The following ABCC9 variants were observed in gnomAD, a reference collection of about 807,000 sequenced individuals.
ABCC9 encodes the protein ATP binding cassette subfamily C member 9.
A neutral mutation model predicts 188.3 loss-of-function variants in ABCC9; 95 were observed. The ratio of observed to expected loss-of-function variants is 0.50; its 90% CI spans 0.43 to 0.60. The LOEUF is 0.60. Ranked by LOEUF, ABCC9 falls within the 20% of genes least tolerant of loss-of-function variation. ABCC9 has a pLI of 0.00. For synonymous variants in ABCC9, 659 were observed against 652.7 expected, an observed-to-expected ratio of 1.01 and a Z score of -0.15; for missense variants, 1,102 against 1,876.3, an observed-to-expected ratio of 0.59 and a Z score of 7.62.
chr12:21,821,718 G>A (rs1372336535), intron 31 of ABCC9, among the ~76,000 whole-genome samples: 1 of 152,092 alleles, frequency 6.6e-6, no homozygotes, highest in African/African-American at 2.4e-5. Flanking sequence ...GAATGACATG[G>A]TAGATTTGAT....
At position 21,899,578 on chromosome 12, in the gene ABCC9, A is replaced by T. The variant is rs376497294; in HGVS notation, c.1619-4263T>A. 3.3e-3 allele frequency among the ~76,000 whole-genome samples: 509 copies of T among 152,318 alleles called. 3 individuals are homozygous for T. Among genetic ancestry groups the T allele is most frequent in the African/African-American group, 0.012 (485 of 41,570 alleles). ...TTTCCTAGCCAAGGGAGGCTGTGACAGACGGCACCTGGAAAATCAGGTCAC... is the reference window on the plus strand; with the variant it reads ...TTTCCTAGCCAAGGGAGGCTGTGACTGACGGCACCTGGAAAATCAGGTCAC... On this transcript the variant is annotated intron_variant, in intron 12 of 39. Coordinates refer to ENST00000261200, the MANE Select transcript of ABCC9 (RefSeq NM_020297.4).
At chr12:21,851,898 G>A (rs534343364) in intron 24 of ABCC9, among the ~76,000 whole-genome samples, 199 bp downstream of exon 24, 1 of 141,442 alleles carries the variant, frequency 7.1e-6, no homozygotes. Context: ...CTCATCCAAA[G>A]ATGGCATTAG....
At chr12:21,814,829 G>A (rs1942495808) in intron 34 of ABCC9, 107 bp from the exon 35 acceptor site, 1 of 850,374 alleles carries the variant, frequency 1.2e-6, no homozygotes, top group Non-Finnish European at 2.0e-6. Flanking sequence ...CTGTAATTAT[G>A]TTTAAATAAT....
intron 30 of ABCC9, among the ~76,000 whole-genome samples, chr12:21,834,437 G>A (rs1943955351): frequency 1.3e-5 from 2 of 152,120 alleles, no homozygotes; most frequent in Non-Finnish European, 2.9e-5. Flanking sequence ...ATCAAACACA[G>A]GTAGAGCAGT....
At chr12:21,847,614 C>G (rs1592059070) in intron 25 of ABCC9, among the ~76,000 whole-genome samples, 1 of 152,194 alleles carries the variant, frequency 6.6e-6, no homozygotes, top group East Asian at 1.9e-4. Flanking sequence ...CATCTCATTC[C>G]TCACATTTCC....
chr12:21,800,891 ACT>A lies in ABCC9; in HGVS notation c.*151_*152del. ...ATATTAAGCAATAATATCTTGAAAA[ACT>A]GTTTTAAAAACAGGAAAAATAAATG... On this transcript the variant is annotated 3_prime_UTR_variant, in exon 40 of 40. Coordinates refer to ENST00000261200, the MANE Select transcript of ABCC9 (RefSeq NM_020297.4). The A allele has an allele frequency of 1.2e-6, 1 of 851,000 alleles. No homozygotes were observed. The highest frequency in any genetic ancestry group is 1.7e-5 in the South Asian group (1 of 59,638). 52.7% of individuals were successfully genotyped at this position (851,000 alleles called of 1,614,324 possible).
chr12:21,863,844 G>T (rs889221436), intron 19 of ABCC9, among the ~76,000 whole-genome samples: 1 of 152,074 alleles, frequency 6.6e-6, no homozygotes, highest in Non-Finnish European at 1.5e-5. Context: ...AGAGAGCAAG[G>T]TTAAAAAAGA....
rs560622999 is a variant in ABCC9 at position 21,815,718 on chromosome 12, CA to C, written c.4023+44del. ...TAGGTAGTAAAAAAGCAGACTCCCT[CA>C]GAGGTTTTATGTATACAACATATCA... On this transcript the variant is annotated intron_variant, in intron 34 of 39. Coordinates refer to ENST00000261200, the MANE Select transcript of ABCC9 (RefSeq NM_020297.4). 979 of 1,606,506 alleles carry C rather than the reference CA, an allele frequency of 6.1e-4. 3 individuals carry two copies. In the African/African-American group the frequency reaches 0.012, roughly 19 times the overall value.
At chr12:21,839,659 G>A (rs557717515) in intron 29 of ABCC9, among the ~76,000 whole-genome samples, 2 of 152,094 alleles carry the variant, frequency 1.3e-5, no homozygotes, top group East Asian at 3.9e-4. Flanking sequence ...CTTTTTTCCT[G>A]CCCTTCTCTA....
intron 16 of ABCC9, among the ~76,000 whole-genome samples, chr12:21,881,575 C>T (rs1480270203): frequency 1.3e-5 from 2 of 152,046 alleles, no homozygotes; most frequent in East Asian, 1.9e-4. Flanking sequence ...TTTTTATTCA[C>T]CAATACATTA....
chr12:21,835,296 T>G (rs1170642551), intron 30 of ABCC9, among the ~76,000 whole-genome samples: 1 of 152,216 alleles, frequency 6.6e-6, no homozygotes, highest in African/African-American at 2.4e-5. Context: ...CTGTCAATAT[T>G]CTAAAGATTA....
intron 18 of ABCC9, among the ~76,000 whole-genome samples, chr12:21,866,133 C>T (rs1945766999): frequency 6.6e-6 from 1 of 151,068 alleles, no homozygotes; most frequent in African/African-American, 2.4e-5. Context: ...CCTGATTACA[C>T]AAAGAAGTGA....
At chr12:21,852,289 T>C (rs1945008390) in intron 23 of ABCC9, 67 bp from the exon 24 acceptor site, 1 of 1,613,176 alleles carries the variant, frequency 6.2e-7, no homozygotes, top group Non-Finnish European at 8.5e-7. Flanking sequence ...ACTACCTTTA[T>C]TTCAGAAAGC....
At chr12:21,850,667 T>C (rs1944917208) in intron 24 of ABCC9, among the ~76,000 whole-genome samples, 1 of 152,204 alleles carries the variant, frequency 6.6e-6, no homozygotes, top group Non-Finnish European at 1.5e-5. Flanking sequence ...AACAGCTCTC[T>C]TTATTTTCTA....
chr12:21,847,882 A>G (rs774708740), intron 25 of ABCC9, among the ~76,000 whole-genome samples: 2 of 152,162 alleles, frequency 1.3e-5, no homozygotes, highest in Non-Finnish European at 2.9e-5. Flanking sequence ...CTCTAGATCT[A>G]TTTAGAATCC....
chr12:21,935,757 G>A (rs537730453), intron 3 of ABCC9, among the ~76,000 whole-genome samples: 7 of 152,104 alleles, frequency 4.6e-5, no homozygotes, highest in African/African-American at 1.2e-4. Flanking sequence ...TTAGATGAGC[G>A]TTGGTAGGCT....
chr12:21,803,515 C>T (rs1009053899), intron 39 of ABCC9, among the ~76,000 whole-genome samples: 3 of 151,826 alleles, frequency 2.0e-5, no homozygotes, highest in African/African-American at 7.3e-5. Context: ...ATTAGCCGGG[C>T]ATGGTGGTGC....
In ABCC9 at chr12:21,828,878, A is replaced by G. The variant is rs780312396; in HGVS notation, c.3669+80T>C. ...TAGTGCCGAATCTCAGTGGAATACTAATTTTTACAACTGTCTGCCTCTTTG... is the reference window on the plus strand; with the variant it reads ...TAGTGCCGAATCTCAGTGGAATACTGATTTTTACAACTGTCTGCCTCTTTG... On this transcript the variant is annotated intron_variant, in intron 31 of 39. Coordinates refer to ENST00000261200, the MANE Select transcript of ABCC9 (RefSeq NM_020297.4). 2.1e-5 allele frequency: 24 copies of G among 1,163,128 alleles called. No homozygotes were observed. In the Admixed American group the frequency reaches 3.7e-4, roughly 18 times the overall value. 72.1% of individuals were successfully genotyped at this position (1,163,128 alleles called of 1,614,324 possible). A position where few individuals can be genotyped will look rare whatever the true frequency, so the allele number is the denominator to read the frequency against.
intron 16 of ABCC9, 49 bp downstream of exon 16, chr12:21,882,717 G>A (rs1946681767): frequency 6.8e-7 from 1 of 1,476,772 alleles, no homozygotes; most frequent in South Asian, 1.1e-5. Flanking sequence ...CCATAAAATA[G>A]TAACATAAAT....
Sources: allele counts gnomAD v4.1 joint callset (sites outside exome capture counted in the v4.1 genomes callset), GRCh38; gene constraint gnomAD v4.1.1; transcripts MANE v1.5; gene names NCBI Gene and HGNC (gene_info 2026-07-23, HGNC 2026-07-21).